The following SRGAP1 variants were observed in gnomAD, a reference collection of about 807,000 sequenced individuals.
The protein encoded by SRGAP1 is SLIT-ROBO Rho GTPase-activating protein 1.
SRGAP1 carries 43 observed loss-of-function variants against 121.9 expected under a neutral mutation model. The observed-to-expected ratio is 0.35, with a 90% CI of 0.28 to 0.46. The LOEUF (loss-of-function observed/expected upper bound fraction) is 0.46, where lower values mean the gene tolerates loss of function less well. SRGAP1 is among the 20% of genes least tolerant of loss of function. SRGAP1 has a pLI of 1.00. For missense variants in SRGAP1, 1,102 were observed against 1,350.9 expected (o/e 0.82, Z 2.89); for synonymous variants, 447 against 485.4 (o/e 0.92, Z 1.04).
intron 1 of SRGAP1, among the ~76,000 whole-genome samples, chr12:63,874,175 T>C (rs1899951903): frequency 6.6e-6 from 1 of 151,978 alleles, no homozygotes; most frequent in African/African-American, 2.4e-5. Flanking sequence ...TATGTAAAAG[T>C]GTTAGCATAA....
chr12:64,052,411 C>T (rs2035253633), intron 6 of SRGAP1, among the ~76,000 whole-genome samples: 2 of 151,906 alleles, frequency 1.3e-5, no homozygotes, highest in African/African-American at 4.8e-5. Flanking sequence ...AAACATTAGC[C>T]AGGCGTGGTG....
chr12:63,900,799 C>T (rs879833525), intron 1 of SRGAP1, among the ~76,000 whole-genome samples: 4 of 151,852 alleles, frequency 2.6e-5, no homozygotes, highest in Admixed American at 1.3e-4. Context: ...GGTGACAGAG[C>T]GAGACTCTTA....
At chr12:63,897,191 T>C (rs1565941049) in intron 1 of SRGAP1, among the ~76,000 whole-genome samples, 1 of 152,242 alleles carries the variant, frequency 6.6e-6, no homozygotes, top group Non-Finnish European at 1.5e-5. Flanking sequence ...AGATTTTCTG[T>C]TTTTAAATAA....
chr12:64,080,151 G>C lies in SRGAP1; in HGVS notation c.1324-135G>C, dbSNP rs1453907178. On this transcript the variant is annotated intron_variant, in intron 9 of 21. Coordinates refer to ENST00000355086, the MANE Select transcript of SRGAP1 (RefSeq NM_020762.4). ...CCAGCTACTCAGGAGGCTGAGGCAG[G>C]AGAATCGCTTGAACCCCAGAGGAAG... 4.8e-6 allele frequency: 3 copies of C among 625,716 alleles called. No individual in the cohort carries two copies. In the African/African-American group the frequency reaches 5.6e-5, roughly 12 times the overall value. The allele number at this position is 625,716 out of a possible 1,614,324, so 38.8% of individuals were successfully genotyped here. A position where few individuals can be genotyped will look rare whatever the true frequency, so the allele number is the denominator to read the frequency against.
intron 1 of SRGAP1, among the ~76,000 whole-genome samples, chr12:63,865,759 C>G (rs1385063364): frequency 1.3e-5 from 2 of 152,138 alleles, no homozygotes; most frequent in African/African-American, 2.4e-5. Context: ...GCAGGTGTTG[C>G]AGTTTTCGGT....
chr12:64,073,081 A>G (rs1290056490), intron 8 of SRGAP1, among the ~76,000 whole-genome samples: 4 of 151,992 alleles, frequency 2.6e-5, no homozygotes, highest in Non-Finnish European at 4.4e-5. Flanking sequence ...GCTGTTTCAT[A>G]TTTGCCTCAT....
At chr12:63,964,121 T>A (rs2032719272) in intron 1 of SRGAP1, among the ~76,000 whole-genome samples, 2 of 152,232 alleles carry the variant, frequency 1.3e-5, no homozygotes, top group Non-Finnish European at 2.9e-5. Context: ...ACCAGCCGGG[T>A]GGCTGTGGGC....
chr12:64,074,552 C>G (rs1211128899), intron 8 of SRGAP1, among the ~76,000 whole-genome samples: 3 of 152,180 alleles, frequency 2.0e-5, no homozygotes, highest in African/African-American at 7.2e-5. Flanking sequence ...ACTTTTTCCT[C>G]TGCCTGGAAT....
At position 63,901,365 on chromosome 12, in the gene SRGAP1, C is replaced by T. The variant is rs146965256; in HGVS notation, c.67+56482C>T. On this transcript the variant is annotated intron_variant, in intron 1 of 21. Transcript: ENST00000355086. ...CAGTTCTCCAAAATGTAAAGTCTCCCTGTTGAGTTGTATTGTCTGGTCTGA... is the reference window on the plus strand; with the variant it reads ...CAGTTCTCCAAAATGTAAAGTCTCCTTGTTGAGTTGTATTGTCTGGTCTGA... Among the ~76,000 whole-genome samples, 4 of 152,314 alleles carry T rather than the reference C, an allele frequency of 2.6e-5. No individual in the cohort carries two copies. The East Asian group carries it at 7.7e-4, about 29-fold the overall frequency.
intron 2 of SRGAP1, among the ~76,000 whole-genome samples, chr12:63,986,378 T>C (rs1470234473): frequency 2.0e-5 from 3 of 152,152 alleles, no homozygotes; most frequent in Non-Finnish European, 4.4e-5. Flanking sequence ...AACTGTTGCT[T>C]TTAAAAAGCA....
intron 3 of SRGAP1, among the ~76,000 whole-genome samples, chr12:64,001,115 A>T (rs1237477085): frequency 6.6e-6 from 1 of 152,166 alleles, no homozygotes; most frequent in Non-Finnish European, 1.5e-5. Context: ...CATGACTTCT[A>T]CCCAGCATTC....
At chr12:64,023,204 CA>C (rs11312893) in intron 4 of SRGAP1, among the ~76,000 whole-genome samples, 36,552 of 77,482 alleles carry the variant, frequency 0.47, 5,476 homozygotes, top group South Asian at 0.53. Flanking sequence ...ACTTTTGTAC[CA>C]AAAAAAAAAA....
chr12:63,985,588 A>G (rs998551538), intron 2 of SRGAP1, among the ~76,000 whole-genome samples: 4 of 152,234 alleles, frequency 2.6e-5, no homozygotes, highest in Non-Finnish European at 5.9e-5. Context: ...GCTGGTTAAC[A>G]TATAATGGAC....
intron 4 of SRGAP1, among the ~76,000 whole-genome samples, chr12:64,019,624 G>T (rs2034495641): frequency 6.6e-6 from 1 of 151,954 alleles, no homozygotes; most frequent in Non-Finnish European, 1.5e-5. Context: ...TGTCTTTCTT[G>T]CATTTTATCT....
chr12:64,128,280 T>G lies in SRGAP1; in HGVS notation c.2880+80T>G, dbSNP rs550687356. 46 of 1,286,520 alleles carry G rather than the reference T, an allele frequency of 3.6e-5. No homozygotes were observed. The South Asian group carries it at 6.7e-4, about 19-fold the overall frequency. 79.7% of individuals were successfully genotyped at this position (1,286,520 alleles called of 1,614,324 possible). On this transcript the variant is annotated intron_variant, in intron 21 of 21. Coordinates refer to ENST00000355086, the MANE Select transcript of SRGAP1 (RefSeq NM_020762.4). Reference sequence around the variant, plus strand: ...GGTGTGAAAGATTTACTTTATTTACTTTTTACTTTATTTACTTTATATTTC... The same window carrying G: ...GGTGTGAAAGATTTACTTTATTTACGTTTTACTTTATTTACTTTATATTTC...
At chr12:64,041,792 A>G (rs2035030280) in intron 4 of SRGAP1, among the ~76,000 whole-genome samples, 1 of 151,832 alleles carries the variant, frequency 6.6e-6, no homozygotes, top group African/African-American at 2.4e-5. Flanking sequence ...GTGTGTTTTC[A>G]TAGAGAAAAG....
intron 1 of SRGAP1, among the ~76,000 whole-genome samples, chr12:63,951,941 T>C (rs1354466561): frequency 6.6e-6 from 1 of 152,178 alleles, no homozygotes; most frequent in Non-Finnish European, 1.5e-5. Context: ...TGTGTGTGTG[T>C]GTGGAGGTGG....
At position 64,157,891 on chromosome 12, in the gene SRGAP1, C is replaced by A. The variant is rs1199269820; in HGVS notation, c.*15219C>A. On this transcript the variant is annotated 3_prime_UTR_variant, in exon 22 of 22. Transcript: ENST00000355086. Reference sequence around the variant, plus strand: ...CGGGCAGGTGACTCAGGGTTCTGGGCTCCTTCCATTTTTTTTGTTGCTGCC... The same window carrying A: ...CGGGCAGGTGACTCAGGGTTCTGGGATCCTTCCATTTTTTTTGTTGCTGCC... 2 of 150,816 alleles carry A rather than the reference C, an allele frequency of 1.3e-5. No individual in the cohort carries two copies. The highest frequency in any genetic ancestry group is 3.0e-5 in the Non-Finnish European group (2 of 67,598). 9.3% of individuals were successfully genotyped at this position (150,816 alleles called of 1,614,324 possible).
intron 4 of SRGAP1, among the ~76,000 whole-genome samples, chr12:64,022,929 G>A (rs911608983): frequency 3.9e-5 from 6 of 152,082 alleles, no homozygotes; most frequent in Admixed American, 2.0e-4. Context: ...TAATATGGGA[G>A]GTGTAAGAGG....
Sources: allele counts gnomAD v4.1 joint callset (sites outside exome capture counted in the v4.1 genomes callset), GRCh38; gene constraint gnomAD v4.1.1; transcripts MANE v1.5; gene names NCBI Gene and HGNC (gene_info 2026-07-23, HGNC 2026-07-21).